The following PITRM1 variants were observed in gnomAD, a reference collection of about 807,000 sequenced individuals.
PITRM1 encodes presequence protease, mitochondrial.
A neutral mutation model predicts 129.9 loss-of-function variants in PITRM1; 100 were observed. That is an observed-to-expected ratio of 0.77 (90% CI 0.65 to 0.91). The LOEUF (loss-of-function observed/expected upper bound fraction) is 0.91. Ranked by LOEUF, PITRM1 falls within the 40% of genes least tolerant of loss-of-function variation. PITRM1 has a pLI of 0.00. For synonymous variants in PITRM1, 591 were observed against 508.8 expected (o/e 1.16, Z -2.17); for missense variants, 1,471 against 1,318.3 (o/e 1.12, Z -1.79).
At chr10:3,172,213 T>A (rs549668813) in intron 1 of PITRM1, 13 of 457,134 alleles carry the variant, frequency 2.8e-5, no homozygotes, top group African/African-American at 2.2e-4. Flanking sequence ...TGGATTACCA[T>A]GAACACTAAA....
intron 2 of PITRM1, among the ~76,000 whole-genome samples, chr10:3,167,271 T>TAGAAAGAG (rs1322341064): frequency 7.9e-6 from 1 of 126,490 alleles, no homozygotes; most frequent in East Asian, 2.2e-4. Flanking sequence ...TGTGTGTGTA[T>TAGAAAGAG]AGAAAGAGAG....
chr10:3,168,641 G>T (rs150339666), intron 2 of PITRM1, among the ~76,000 whole-genome samples: 1 of 152,062 alleles, frequency 6.6e-6, no homozygotes, highest in Non-Finnish European at 1.5e-5. Context: ...GAGAGCTGAC[G>T]GTTTTATAAG....
chr10:3,151,620 G>A (rs990565751), intron 14 of PITRM1, among the ~76,000 whole-genome samples: 4 of 152,130 alleles, frequency 2.6e-5, no homozygotes, highest in African/African-American at 9.7e-5. Context: ...AGGAAGTGGT[G>A]GTTTGCTCAA....
At chr10:3,139,164 A>G in intron 24 of PITRM1, 115 bp from the exon 25 acceptor site, 1 of 884,276 alleles carries the variant, frequency 1.1e-6, no homozygotes, top group Non-Finnish European at 1.8e-6. Flanking sequence ...TCTATTTTAT[A>G]TCTGATTTAG....
chr10:3,160,143 A>AG, intron 8 of PITRM1, 61 bp downstream of exon 8: 1 of 1,565,634 alleles, frequency 6.4e-7, no homozygotes, highest in East Asian at 2.3e-5. Flanking sequence ...ATCAATACCC[A>AG]GTCCAAGTCC....
At chr10:3,150,528 T>C (rs963841040) in intron 15 of PITRM1, among the ~76,000 whole-genome samples, 1 of 152,106 alleles carries the variant, frequency 6.6e-6, no homozygotes, top group Non-Finnish European at 1.5e-5. Context: ...ATCCCCGTCC[T>C]CAAGGTGCAA....
In PITRM1 at chr10:3,165,767, C is replaced by G. The variant is rs558383111; in HGVS notation, c.419-240G>C. Among the ~76,000 whole-genome samples, 3 of 152,286 alleles carry G rather than the reference C, an allele frequency of 2.0e-5. No homozygotes were observed. The East Asian group carries it at 5.8e-4, about 29-fold the overall frequency. On this transcript the variant is annotated intron_variant, in intron 4 of 26. Coordinates refer to ENST00000224949, the MANE Select transcript of PITRM1 (RefSeq NM_014889.4). ...CGACGGGCACCAGGGCTTTCTTCAGCGAATATCTAAACTCTCTCAAGTTTC... is the reference window on the plus strand; with the variant it reads ...CGACGGGCACCAGGGCTTTCTTCAGGGAATATCTAAACTCTCTCAAGTTTC...
chr10:3,149,634 T>C lies in PITRM1; in HGVS notation c.1858A>G (p.Ser620Gly). 6.3e-7 allele frequency: 1 copy of C among 1,577,226 alleles called. No individual in the cohort carries two copies. Among genetic ancestry groups the C allele is most frequent in the East Asian group, 2.3e-5 (1 of 44,236 alleles). Residue 620 changes from serine (S) to glycine (G), a missense_variant, in exon 16 of 27, where the codon AGC becomes GGC. Coordinates refer to ENST00000224949, the MANE Select transcript of PITRM1 (RefSeq NM_014889.4). The stretch of plus-strand genomic sequence containing the variant: ...TGCGACTCGTACTTGGTGAGGACGC[T>C]GCAGAAGAGGGGCACATAGGGCCTC... ...ELRPYVPLFC[S>G]VLTKLGCGLL...
At chr10:3,162,166 A>T (rs1431156306) in intron 7 of PITRM1, among the ~76,000 whole-genome samples, 1 of 151,808 alleles carries the variant, frequency 6.6e-6, no homozygotes, top group Non-Finnish European at 1.5e-5. Flanking sequence ...TTTAAAAAAA[A>T]AAAAAAAAAA....
At chr10:3,159,997 G>T in intron 8 of PITRM1, 61 bp from the exon 9 acceptor site, 1 of 1,308,016 alleles carries the variant, frequency 7.6e-7, no homozygotes, top group Non-Finnish European at 1.1e-6. Flanking sequence ...ACTACTCTAG[G>T]TTATCTGGAT....
In PITRM1 at chr10:3,159,875, GTTGT is replaced by G; in HGVS notation, c.976_979del (p.Thr326ProfsTer20). 1 of 1,604,270 alleles carries G rather than the reference GTTGT, an allele frequency of 6.2e-7. No homozygotes were observed. Among genetic ancestry groups the G allele is most frequent in the Non-Finnish European group, 8.5e-7 (1 of 1,174,058 alleles). On this transcript the variant is annotated frameshift_variant, in exon 9 of 27. Coordinates refer to ENST00000224949, the MANE Select transcript of PITRM1 (RefSeq NM_014889.4). LOFTEE classifies it high-confidence loss of function. ...CGGTAAGAGGAAGCTAACGCTGATG[GTTGT>G]TTGTTTAGAGGGATCTGTAGCAAAT...
At chr10:3,138,411 G>A (rs967048377) in intron 25 of PITRM1, 74 bp from the exon 26 acceptor site, 83 of 954,786 alleles carry the variant, frequency 8.7e-5, no homozygotes, top group African/African-American at 6.2e-4. Context: ...CTCATGTCCC[G>A]GAGGGGACAC....
At chr10:3,167,419 G>A (rs1251993717) in intron 2 of PITRM1, among the ~76,000 whole-genome samples, 1 of 152,120 alleles carries the variant, frequency 6.6e-6, no homozygotes, top group East Asian at 1.9e-4. Flanking sequence ...AATCCTGTGA[G>A]GGAGGTATTC....
chr10:3,166,162 T>G, intron 4 of PITRM1, 67 bp downstream of exon 4: 1 of 1,362,712 alleles, frequency 7.3e-7, no homozygotes. Flanking sequence ...TCTCAGAAAC[T>G]AACTGAATTC....
chr10:3,169,582 A>G (rs1387189600), intron 2 of PITRM1, among the ~76,000 whole-genome samples: 1 of 152,262 alleles, frequency 6.6e-6, no homozygotes, highest in Non-Finnish European at 1.5e-5. Flanking sequence ...TGCTAAATAG[A>G]AACAATGCAA....
In PITRM1 at chr10:3,138,140, G is replaced by A. The variant is rs769999029; in HGVS notation, c.3021-16C>T. The A allele has an allele frequency of 5.7e-6, 9 of 1,592,226 alleles. No individual in the cohort carries two copies. The highest frequency in any genetic ancestry group is 1.3e-5 in the African/African-American group (1 of 74,396). ...GCCGAGGTATCTGAGAGGAAGGCAGGCGTGGTCAGCAAGGACTGGCTTCTG... is the reference window on the plus strand; with the variant it reads ...GCCGAGGTATCTGAGAGGAAGGCAGACGTGGTCAGCAAGGACTGGCTTCTG... On this transcript the variant is annotated splice_polypyrimidine_tract_variant and intron_variant, in intron 26 of 26. Transcript: ENST00000224949.
intron 7 of PITRM1, among the ~76,000 whole-genome samples, chr10:3,160,834 C>T (rs900059209): frequency 2.6e-5 from 4 of 152,030 alleles, no homozygotes; most frequent in Non-Finnish European, 4.4e-5. Context: ...AATCTCAGCT[C>T]ACTGCAACCT....
intron 2 of PITRM1, among the ~76,000 whole-genome samples, chr10:3,169,711 T>C (rs866548657): frequency 1.3e-5 from 2 of 152,202 alleles, no homozygotes; most frequent in African/African-American, 2.4e-5. Flanking sequence ...CTCAGAAAAC[T>C]GAAAGGTTCT....
Position 3,147,676 on chromosome 10 carries a change from C to T in PITRM1, c.2131G>A (p.Ala711Thr), listed in dbSNP as rs759740462. Residue 711 changes from alanine (A) to threonine (T), a missense_variant, in exon 19 of 27, where the codon GCC (alanine) becomes ACC (threonine). By Grantham distance (58) the Ala-to-Thr change is moderately conservative. Coordinates refer to ENST00000224949, the MANE Select transcript of PITRM1 (RefSeq NM_014889.4). ...TGCCCAGAGTCAGGAATTCCATTGGCGAGCTCCTGGGCGGTCATCTTCACC... is the reference window on the plus strand; with the variant it reads ...TGCCCAGAGTCAGGAATTCCATTGGTGAGCTCCTGGGCGGTCATCTTCACC... ...VLVKMTAQEL[A>T]NGIPDSGHLY... is the part of the protein sequence containing the mutation. The T allele has an allele frequency of 3.7e-6, 6 of 1,613,600 alleles. No homozygotes were observed. The highest frequency in any genetic ancestry group is 4.5e-5 in the East Asian group (2 of 44,882).
Sources: allele counts gnomAD v4.1 joint callset (sites outside exome capture counted in the v4.1 genomes callset), GRCh38; gene constraint gnomAD v4.1.1; transcripts MANE v1.5; gene names NCBI Gene and HGNC (gene_info 2026-07-23, HGNC 2026-07-21).